The following ESR1 variants were observed in gnomAD, a reference collection of about 807,000 sequenced individuals.
The protein encoded by ESR1 is estrogen receptor 1, also known as estrogen receptor.
A neutral mutation model predicts 52.7 loss-of-function variants in ESR1; 12 were observed. That is an observed-to-expected ratio of 0.23 (90% confidence interval 0.15 to 0.37). The LOEUF is 0.37. Ranked by LOEUF, ESR1 falls within the 10% of genes least tolerant of loss-of-function variation. ESR1 has a pLI of 1.00. For synonymous variants in ESR1, 305 were observed against 316.8 expected, an observed-to-expected ratio of 0.96 and a Z score of 0.39; for missense variants, 584 against 779.7, an observed-to-expected ratio of 0.75 and a Z score of 2.99.
chr6:151,922,356 G>T (rs578100475), intron 3 of ESR1, among the ~76,000 whole-genome samples: 73 of 152,260 alleles, frequency 4.8e-4, no homozygotes, highest in Non-Finnish European at 7.6e-4. Flanking sequence ...TTTAAGGAGT[G>T]AGAAGATATG....
intron 2 of ESR1, among the ~76,000 whole-genome samples, chr6:151,795,003 G>A (rs904456058): frequency 1.3e-5 from 2 of 152,032 alleles, no homozygotes; most frequent in African/African-American, 4.8e-5. Context: ...CTGGGGCCCC[G>A]GGAATTGTCA....
In ESR1 at chr6:151,843,847, G is replaced by T. The variant is rs1416866425; in HGVS notation, c.643+1060G>T. Among the ~76,000 whole-genome samples, 6 of 151,238 alleles carry T rather than the reference G, an allele frequency of 4.0e-5. No individual in the cohort carries two copies. In the South Asian group the frequency reaches 1.3e-3, roughly 32 times the overall value. On this transcript the variant is annotated intron_variant, in intron 2 of 7. Transcript: ENST00000206249. ...TTCTGTGATAGCTCTTTCCTGCCCTGATATGAGATGAAAGCTGGGGGATGG... is the reference window on the plus strand; with the variant it reads ...TTCTGTGATAGCTCTTTCCTGCCCTTATATGAGATGAAAGCTGGGGGATGG...
chr6:152,099,176 C>A lies in ESR1; in HGVS notation c.*210C>A. 1.7e-6 allele frequency: 1 copy of A among 601,676 alleles called. No homozygotes were observed. Among genetic ancestry groups the A allele is most frequent in the Non-Finnish European group, 3.0e-6 (1 of 333,076 alleles). The allele number at this position is 601,676 out of a possible 1,614,324, so 37.3% of individuals were successfully genotyped here. A position where few individuals can be genotyped will look rare whatever the true frequency, so the allele number is the denominator to read the frequency against. On this transcript the variant is annotated 3_prime_UTR_variant, in exon 8 of 8. Coordinates refer to ENST00000206249, the MANE Select transcript of ESR1 (RefSeq NM_000125.4). ...GGGAACAGCCAAAGGGATTCCAAGG[C>A]TAAATCTTTGTAACAGCTCTCTTTC...
rs1485398373 is a variant in ESR1 at position 151,992,349 on chromosome 6, C to T, written c.1097-19307C>T. ...TCCTGCCCTCAGCCTCAGGAAACCTCCCATCTACTTTCTCTTTCTACGCGT... is the reference window on the plus strand; with the variant it reads ...TCCTGCCCTCAGCCTCAGGAAACCTTCCATCTACTTTCTCTTTCTACGCGT... On this transcript the variant is annotated intron_variant, in intron 4 of 7. Coordinates refer to ENST00000206249, the MANE Select transcript of ESR1 (RefSeq NM_000125.4). 3.9e-5 allele frequency among the ~76,000 whole-genome samples: 6 copies of T among 152,148 alleles called. No homozygotes were observed. The East Asian group carries it at 1.2e-3, about 29-fold the overall frequency.
At chr6:151,704,171 C>T (rs537533556) in intron 2 of ESR1, among the ~76,000 whole-genome samples, 4 of 152,234 alleles carry the variant, frequency 2.6e-5, no homozygotes, top group Non-Finnish European at 4.4e-5. Context: ...ATGGGGTTGC[C>T]CCCACTCCCA....
intron 2 of ESR1, among the ~76,000 whole-genome samples, chr6:151,870,842 GCTTCTT>G (rs980809012): frequency 2.0e-5 from 3 of 151,662 alleles, no homozygotes; most frequent in Admixed American, 1.3e-4. Context: ...TACATCTTCA[GCTTCTT>G]CTTCTTCTTC....
intron 1 of ESR1, among the ~76,000 whole-genome samples, chr6:151,672,393 G>A (rs1275455662): frequency 6.6e-6 from 1 of 151,444 alleles, no homozygotes; most frequent in Non-Finnish European, 1.5e-5. Flanking sequence ...CTGGAGTGCA[G>A]TGGCACCATC....
chr6:152,120,301 C>T (rs1484896101), intron 6 of ESR1, among the ~76,000 whole-genome samples: 2 of 152,150 alleles, frequency 1.3e-5, no homozygotes, highest in African/African-American at 2.4e-5. Context: ...GAGGGAAGAG[C>T]GAGGCCTGAA....
rs944387325 is a variant in ESR1 at position 152,098,240 on chromosome 6, C to T, written c.1554-492C>T. 3.9e-5 allele frequency among the ~76,000 whole-genome samples: 6 copies of T among 152,064 alleles called. No individual in the cohort carries two copies. The highest frequency in any genetic ancestry group is 7.4e-5 in the Non-Finnish European group (5 of 68,014). On this transcript the variant is annotated intron_variant, in intron 7 of 7. Coordinates refer to ENST00000206249, the MANE Select transcript of ESR1 (RefSeq NM_000125.4). This position sits in a 1 kb window ranked among gnomAD's most constrained non-coding sequence, Gnocchi z 5.1. ...GTTGAACATGGAAAGGCATTTAGATCGTATTCTGAGTTAAATGGGAAGTGA... is the reference window on the plus strand; with the variant it reads ...GTTGAACATGGAAAGGCATTTAGATTGTATTCTGAGTTAAATGGGAAGTGA...
At chr6:151,674,822 C>T (rs1407396229) in intron 1 of ESR1, among the ~76,000 whole-genome samples, 2 of 152,238 alleles carry the variant, frequency 1.3e-5, no homozygotes, top group Non-Finnish European at 2.9e-5. Context: ...CCTAAGACCA[C>T]CAAACTCACC....
intron 5 of ESR1, among the ~76,000 whole-genome samples, chr6:152,030,873 A>C (rs1295756438): frequency 6.6e-6 from 1 of 152,218 alleles, no homozygotes; most frequent in Non-Finnish European, 1.5e-5. Context: ...TCCAAAATTG[A>C]CCACATAGTT....
In ESR1 at chr6:151,934,404, A is replaced by C. The variant is rs2034100488; in HGVS notation, c.761-9769A>C. On this transcript the variant is annotated intron_variant, in intron 3 of 7. Transcript: ENST00000206249. ...GGGATTTGGCTTTTTGCCCCAGAGC[A>C]GTGCCTGACTCTCAATAACTTTGTT... 2.0e-5 allele frequency among the ~76,000 whole-genome samples: 3 copies of C among 152,252 alleles called. No individual in the cohort carries two copies. In the South Asian group the frequency reaches 6.2e-4, roughly 31 times the overall value.
chr6:151,728,965 A>T (rs972784328), intron 2 of ESR1, among the ~76,000 whole-genome samples: 2 of 152,204 alleles, frequency 1.3e-5, no homozygotes, highest in African/African-American at 2.4e-5. Flanking sequence ...CAAAATGAAA[A>T]ATTATTAGTA....
chr6:151,679,827 A>T (rs1294657467), intron 1 of ESR1, among the ~76,000 whole-genome samples: 1 of 152,046 alleles, frequency 6.6e-6, no homozygotes, highest in Non-Finnish European at 1.5e-5. Flanking sequence ...TGAGCTGTTT[A>T]TGTCCAGAAT....
chr6:152,118,639 G>A (rs2051238607), intron 6 of ESR1, among the ~76,000 whole-genome samples: 1 of 151,948 alleles, frequency 6.6e-6, no homozygotes, highest in Admixed American at 6.6e-5. Context: ...GGGAGGGAGA[G>A]CATTAGGGCA....
Position 151,786,326 on chromosome 6 carries a change from G to A in ESR1, c.-70-21517G>A, listed in dbSNP as rs35012756. On this transcript the variant is annotated intron_variant, in intron 2 of 2. Coordinates refer to the ESR1 transcript ENST00000404742. ...CCTCCTGGCACCTCTACCCTCTAGC[G>A]AGAGGCTGCCTCTCCTGCCCCACCC... Among the ~76,000 whole-genome samples, 5 of 152,244 alleles carry A rather than the reference G, an allele frequency of 3.3e-5. No homozygotes were observed. The South Asian group carries it at 8.3e-4, about 25-fold the overall frequency.
At chr6:151,717,366 T>C (rs1363830865) in intron 2 of ESR1, among the ~76,000 whole-genome samples, 1 of 152,250 alleles carries the variant, frequency 6.6e-6, no homozygotes, top group Non-Finnish European at 1.5e-5. Context: ...GAATGAATTT[T>C]CTGCAGCTTT....
chr6:151,775,475 C>T (rs1015647629), intron 2 of ESR1, among the ~76,000 whole-genome samples: 3 of 152,060 alleles, frequency 2.0e-5, no homozygotes, highest in Non-Finnish European at 4.4e-5. Context: ...TGGCCAGGCG[C>T]GGTGGCTGAC....
At chr6:151,693,762 C>T (rs765173744) in intron 1 of ESR1, among the ~76,000 whole-genome samples, 1 of 152,182 alleles carries the variant, frequency 6.6e-6, no homozygotes, top group Admixed American at 6.5e-5. Context: ...GGATTACAGG[C>T]ATGTGCCACC....
Sources: gnomAD v4.1 joint callset for allele counts (sites outside exome capture counted in the v4.1 genomes callset) on GRCh38, gnomAD v4.1.1 for gene constraint, Gnocchi (gnomAD v3.1) non-coding constraint, MANE v1.5 for transcripts, NCBI Gene and HGNC (gene_info 2026-07-23, HGNC 2026-07-21) for gene names.